The following MAPKAP1 variants were observed in gnomAD, a reference collection of about 807,000 sequenced individuals.
The protein encoded by MAPKAP1 is MAPK associated protein 1, also known as target of rapamycin complex 2 subunit MAPKAP1.
In MAPKAP1, 20 loss-of-function variants were observed where a neutral mutation model predicts 65.7. The ratio of observed to expected loss-of-function variants is 0.30; its 90% CI spans 0.21 to 0.44. MAPKAP1 has a LOEUF of 0.44. MAPKAP1 is among the 20% of genes least tolerant of loss of function. The pLI, the probability that MAPKAP1 is intolerant of heterozygous loss-of-function variation, is 1.00. For synonymous variants in MAPKAP1, 222 were observed against 244.3 expected, an observed-to-expected ratio of 0.91 and a Z score of 0.85; for missense variants, 423 against 648.0, an observed-to-expected ratio of 0.65 and a Z score of 3.77.
intron 4 of MAPKAP1, among the ~76,000 whole-genome samples, chr9:125,600,694 C>T (rs1234521713): frequency 6.6e-6 from 1 of 152,132 alleles, no homozygotes; most frequent in Non-Finnish European, 1.5e-5. Flanking sequence ...GAGAGAAGAA[C>T]CACATTCTCT....
At chr9:125,509,611 T>C (rs902659358) in intron 7 of MAPKAP1, among the ~76,000 whole-genome samples, 1 of 152,204 alleles carries the variant, frequency 6.6e-6, no homozygotes, top group Non-Finnish European at 1.5e-5. Flanking sequence ...CATATTTTCA[T>C]GTGAAGCAAC....
chr9:125,549,188 G>C (rs1339267603), intron 6 of MAPKAP1, among the ~76,000 whole-genome samples: 1 of 152,158 alleles, frequency 6.6e-6, no homozygotes, highest in African/African-American at 2.4e-5. Context: ...GATTTTTAAG[G>C]AGACATTGGA....
intron 4 of MAPKAP1, among the ~76,000 whole-genome samples, chr9:125,611,991 A>G (rs1231790651): frequency 6.6e-6 from 1 of 152,160 alleles, no homozygotes; most frequent in Non-Finnish European, 1.5e-5. Flanking sequence ...CATATTTAAG[A>G]TTCTGAAATA....
At chr9:125,460,757 T>C (rs989328910) in intron 10 of MAPKAP1, among the ~76,000 whole-genome samples, 1 of 152,216 alleles carries the variant, frequency 6.6e-6, no homozygotes, top group Non-Finnish European at 1.5e-5. Context: ...GTTTCCCTTG[T>C]CACTACAACT....
intron 10 of MAPKAP1, among the ~76,000 whole-genome samples, chr9:125,448,846 A>C (rs1287144426): frequency 7.2e-5 from 11 of 152,048 alleles, no homozygotes; most frequent in Admixed American, 6.6e-4. Context: ...CTCTACTAAA[A>C]ATACAAAAAT....
At chr9:125,698,820 A>G (rs1055570246) in intron 1 of MAPKAP1, among the ~76,000 whole-genome samples, 2 of 152,180 alleles carry the variant, frequency 1.3e-5, no homozygotes, top group African/African-American at 4.8e-5. Context: ...ATCAATTCAC[A>G]TAATAGCTTA....
chr9:125,660,486 A>C (rs941416844), intron 3 of MAPKAP1, among the ~76,000 whole-genome samples: 1 of 152,234 alleles, frequency 6.6e-6, no homozygotes, highest in African/African-American at 2.4e-5. Context: ...TCTACATGCT[A>C]GTACCTCTCA....
At chr9:125,703,878 T>G (rs1835680074) in intron 1 of MAPKAP1, among the ~76,000 whole-genome samples, 1 of 152,098 alleles carries the variant, frequency 6.6e-6, no homozygotes, top group Non-Finnish European at 1.5e-5. Context: ...AATAACAGAT[T>G]GCCAGCAAAT....
At chr9:125,703,784 AAAC>A (rs1435073037) in intron 1 of MAPKAP1, among the ~76,000 whole-genome samples, 8 of 149,272 alleles carry the variant, frequency 5.4e-5, no homozygotes, top group African/African-American at 4.9e-5. Context: ...AAAAAAAAAA[AAAC>A]AAGTAACGTG....
chr9:125,610,474 T>C (rs1832565954), intron 4 of MAPKAP1, among the ~76,000 whole-genome samples: 1 of 152,228 alleles, frequency 6.6e-6, no homozygotes, highest in South Asian at 2.1e-4. Context: ...ATGATGGTAC[T>C]TGCCAAACAA....
chr9:125,507,847 A>G (rs1233113162), intron 7 of MAPKAP1, among the ~76,000 whole-genome samples: 1 of 152,256 alleles, frequency 6.6e-6, no homozygotes, highest in Non-Finnish European at 1.5e-5. Context: ...TATTGGTAGT[A>G]AATTCATTTT....
At chr9:125,503,880 C>CTTGTTTT (rs1829057864) in intron 8 of MAPKAP1, among the ~76,000 whole-genome samples, 1 of 66,258 alleles carries the variant, frequency 1.5e-5, no homozygotes. Flanking sequence ...CCACGCTTGG[C>CTTGTTTT]TTTTTTTTTT....
intron 1 of MAPKAP1, among the ~76,000 whole-genome samples, chr9:125,676,584 G>A (rs1341583226): frequency 6.6e-6 from 1 of 152,162 alleles, no homozygotes; most frequent in African/African-American, 2.4e-5. Context: ...CTGACAGAAA[G>A]TCTAACAGCA....
chr9:125,707,006 C>G lies in MAPKAP1; in HGVS notation c.-105G>C, dbSNP rs1195700968. 1 of 396,796 alleles carries G rather than the reference C, an allele frequency of 2.5e-6. No individual in the cohort carries two copies. The highest frequency in any genetic ancestry group is 4.4e-6 in the Non-Finnish European group (1 of 225,312). 24.6% of individuals were successfully genotyped at this position (396,796 alleles called of 1,614,324 possible). A position where few individuals can be genotyped will look rare whatever the true frequency, so the allele number is the denominator to read the frequency against. On this transcript the variant is annotated 5_prime_UTR_variant, in exon 1 of 12. Coordinates refer to ENST00000265960, the MANE Select transcript of MAPKAP1 (RefSeq NM_001006617.3). ...TTCCACACTACGGGCCGGGTCGGCCCCGGGACACGTTCCTGAGGGGAGGGC... is the reference window on the plus strand; with the variant it reads ...TTCCACACTACGGGCCGGGTCGGCCGCGGGACACGTTCCTGAGGGGAGGGC...
At chr9:125,575,106 C>G (rs1399022801) in intron 5 of MAPKAP1, among the ~76,000 whole-genome samples, 1 of 152,210 alleles carries the variant, frequency 6.6e-6, no homozygotes, top group African/African-American at 2.4e-5. Flanking sequence ...GATTCTAGTA[C>G]TTTGGGAGAC....
intron 7 of MAPKAP1, among the ~76,000 whole-genome samples, chr9:125,509,737 A>T (rs980569518): frequency 3.3e-5 from 5 of 152,118 alleles, no homozygotes; most frequent in African/African-American, 1.2e-4. Flanking sequence ...GATTACTGGG[A>T]ACTAAGGCCT....
intron 4 of MAPKAP1, among the ~76,000 whole-genome samples, chr9:125,623,030 G>A (rs1313553809): frequency 7.3e-5 from 11 of 151,672 alleles, no homozygotes; most frequent in Non-Finnish European, 1.5e-4. Context: ...GCCCCTAACC[G>A]CGAGTGATCC....
At chr9:125,486,164 G>A (rs867827939) in intron 8 of MAPKAP1, among the ~76,000 whole-genome samples, 2 of 152,194 alleles carry the variant, frequency 1.3e-5, no homozygotes, top group East Asian at 1.9e-4. Context: ...CATTTCACAC[G>A]TTACTGCATT....
chr9:125,675,046 A>G (rs1271328998), intron 1 of MAPKAP1, among the ~76,000 whole-genome samples: 1 of 152,240 alleles, frequency 6.6e-6, no homozygotes, highest in African/African-American at 2.4e-5. Flanking sequence ...TAAAAAATGT[A>G]TACACCACAC....
Sources: allele counts gnomAD v4.1 joint callset (sites outside exome capture counted in the v4.1 genomes callset), GRCh38; gene constraint gnomAD v4.1.1; transcripts MANE v1.5; gene names NCBI Gene and HGNC (gene_info 2026-07-23, HGNC 2026-07-21).